Variants in CYP4F11 observed in about 807,000 individuals in gnomAD.
CYP4F11 encodes cytochrome P450 4F11.
In CYP4F11, 79 loss-of-function variants were observed where a neutral mutation model predicts 62.2. The ratio of observed to expected loss-of-function variants is 1.27; its 90% CI spans 1.06 to 1.53. The LOEUF is 1.53. Ranked by LOEUF, CYP4F11 falls within the 40% of genes most tolerant of loss-of-function variation. The pLI is 0.00. For missense variants in CYP4F11, 777 were observed against 680.5 expected, an observed-to-expected ratio of 1.14 and a Z score of -1.58; for synonymous variants, 290 against 263.7, an observed-to-expected ratio of 1.10 and a Z score of -0.97.
intron 2 of CYP4F11, among the ~76,000 whole-genome samples, 186 bp downstream of exon 2, chr19:15,929,271 A>T (rs1599380056): frequency 6.6e-6 from 1 of 152,300 alleles, no homozygotes; most frequent in South Asian, 2.1e-4. Flanking sequence ...GAGAGATGGC[A>T]GTGGAGGGAG....
intron 8 of CYP4F11, among the ~76,000 whole-genome samples, chr19:15,920,570 G>C (rs1568482467): frequency 6.6e-6 from 1 of 152,182 alleles, no homozygotes; most frequent in African/African-American, 2.4e-5. Context: ...GCTGAGCAAA[G>C]GCTTGGATGT....
At chr19:15,926,494 C>T (rs1440859213) in intron 4 of CYP4F11, among the ~76,000 whole-genome samples, 1 of 152,208 alleles carries the variant, frequency 6.6e-6, no homozygotes, top group African/African-American at 2.4e-5. Context: ...ACTGTGATTT[C>T]CAGCAACTTC....
rs546699196 is a variant in CYP4F11 at position 15,925,220 on chromosome 19, G to A, written c.526-338C>T. 1.2e-4 allele frequency among the ~76,000 whole-genome samples: 18 copies of A among 152,266 alleles called. No homozygotes were observed. The South Asian group carries it at 3.7e-3, about 32-fold the overall frequency. ...CTTTGGGGCCAGATAAACCAGGACA[G>A]AATCACTGCTCCACCACTCGTAGCT... On this transcript the variant is annotated intron_variant, in intron 4 of 11. Transcript: ENST00000402119.
Position 15,912,405 on chromosome 19 carries a change from G to A in CYP4F11, c.*1327C>T, listed in dbSNP as rs1249483273. 6.6e-6 allele frequency: 1 copy of A among 151,956 alleles called. No individual in the cohort carries two copies. The highest frequency in any genetic ancestry group is 1.5e-5 in the Non-Finnish European group (1 of 67,994). 9.4% of individuals were successfully genotyped at this position (151,956 alleles called of 1,614,324 possible). Reference sequence around the variant, plus strand: ...ATATAGGCAACTTATATTTGATAAAGGTGCAAAGGCAATACGATGGTCCCA... The same window carrying A: ...ATATAGGCAACTTATATTTGATAAAAGTGCAAAGGCAATACGATGGTCCCA... On this transcript the variant is annotated 3_prime_UTR_variant, in exon 12 of 12. Coordinates refer to ENST00000402119, the MANE Select transcript of CYP4F11 (RefSeq NM_021187.4).
intron 1 of CYP4F11, among the ~76,000 whole-genome samples, chr19:15,931,049 C>T (rs1193197335): frequency 1.3e-5 from 2 of 152,162 alleles, no homozygotes; most frequent in African/African-American, 2.4e-5. Context: ...AAGTCGGAGG[C>T]CAAGGTCTGC....
chr19:15,931,625 G>GC (rs1568257545), intron 1 of CYP4F11, among the ~76,000 whole-genome samples: 8 of 56,380 alleles, frequency 1.4e-4, no homozygotes, highest in South Asian at 5.8e-4. Context: ...AGTGAGCGAG[G>GC]AGAGGAATGA....
chr19:15,912,754 TGTGTGTGTG>T lies in CYP4F11; in HGVS notation c.*969_*977del. 6.2e-5 allele frequency: 1 copy of T among 16,230 alleles called. No homozygotes were observed. Among genetic ancestry groups the T allele is most frequent in the Non-Finnish European group, 1.4e-4 (1 of 7,208 alleles). 1.0% of individuals were successfully genotyped at this position (16,230 alleles called of 1,614,324 possible). ...GTGTGTATATGTATATATGTGTGTG[TGTGTGTGTG>T]TGTGTGTGTATATATATATATATAT... On this transcript the variant is annotated 3_prime_UTR_variant, in exon 12 of 12. Transcript: ENST00000402119.
At chr19:15,915,081 A>G (rs2089573441) in intron 8 of CYP4F11, among the ~76,000 whole-genome samples, 186 bp from the exon 9 acceptor site, 1 of 152,248 alleles carries the variant, frequency 6.6e-6, no homozygotes, top group Admixed American at 6.5e-5. Flanking sequence ...CCAGAAAAAA[A>G]TGGTGCCGAT....
Position 15,913,551 on chromosome 19 carries a change from C to T in CYP4F11, c.*181G>A. ...AGGGCCTAGATGCCCTGTGCTCAGC[C>T]AGAGAGGCCGTCAGGGTTTTGGGTT... On this transcript the variant is annotated 3_prime_UTR_variant, in exon 12 of 12. Coordinates refer to ENST00000402119, the MANE Select transcript of CYP4F11 (RefSeq NM_021187.4). The T allele has an allele frequency of 1.4e-6, 1 of 731,322 alleles. No homozygotes were observed. Among genetic ancestry groups the T allele is most frequent in the South Asian group, 1.8e-5 (1 of 55,394 alleles). The allele number at this position is 731,322 out of a possible 1,614,324, so 45.3% of individuals were successfully genotyped here.
chr19:15,929,723 A>T (rs2089697030), intron 1 of CYP4F11, 122 bp from the exon 2 acceptor site: 5 of 1,122,564 alleles, frequency 4.5e-6, no homozygotes, highest in Admixed American at 2.6e-5. Flanking sequence ...GTAAAACATT[A>T]TTTCTGGATG....
At chr19:15,920,452 C>T (rs1042387479) in intron 8 of CYP4F11, among the ~76,000 whole-genome samples, 1 of 152,150 alleles carries the variant, frequency 6.6e-6, no homozygotes, top group African/African-American at 2.4e-5. Flanking sequence ...AAGAAGGAAG[C>T]TCATTTTTTA....
At chr19:15,925,628 C>A (rs1353831927) in intron 4 of CYP4F11, among the ~76,000 whole-genome samples, 2 of 151,484 alleles carry the variant, frequency 1.3e-5, no homozygotes, top group East Asian at 3.9e-4. Flanking sequence ...CACATTTATA[C>A]CTACGTAACA....
intron 8 of CYP4F11, 84 bp downstream of exon 8, chr19:15,921,953 G>A: frequency 6.9e-7 from 1 of 1,453,440 alleles, no homozygotes; most frequent in Non-Finnish European, 9.1e-7. Context: ...TGGAAGAATT[G>A]ACCAAAAAAA....
chr19:15,926,067 T>A (rs971812468), intron 4 of CYP4F11, among the ~76,000 whole-genome samples: 1 of 151,088 alleles, frequency 6.6e-6, no homozygotes, highest in Non-Finnish European at 1.5e-5. Flanking sequence ...AGGAGGCTGA[T>A]GCAGGACAAT....
intron 8 of CYP4F11, among the ~76,000 whole-genome samples, chr19:15,918,527 T>A (rs2089599212): frequency 6.6e-6 from 1 of 152,206 alleles, no homozygotes; most frequent in African/African-American, 2.4e-5. Flanking sequence ...GAATAGATTT[T>A]TTATTATTAT....
intron 1 of CYP4F11, among the ~76,000 whole-genome samples, chr19:15,931,332 C>G (rs1239756374): frequency 5.9e-5 from 9 of 151,908 alleles, no homozygotes; most frequent in African/African-American, 2.2e-4. Context: ...AGTCCCTGGA[C>G]AGTAGACTCA....
At chr19:15,931,532 ATGAGTGAG>A (rs1568257214) in intron 1 of CYP4F11, among the ~76,000 whole-genome samples, 3 of 103,986 alleles carry the variant, frequency 2.9e-5, no homozygotes, top group South Asian at 2.9e-4. Context: ...CATCAGAGGA[ATGAGTGAG>A]CGGGGAGAGG....
intron 2 of CYP4F11, among the ~76,000 whole-genome samples, chr19:15,929,223 T>TC (rs2089692044): frequency 6.6e-6 from 1 of 152,156 alleles, no homozygotes; most frequent in South Asian, 2.1e-4. Flanking sequence ...AATTGAGGCT[T>TC]TTTGGAGCCC....
intron 4 of CYP4F11, 44 bp downstream of exon 4, chr19:15,927,168 C>G (rs771366693): frequency 6.2e-7 from 1 of 1,601,526 alleles, no homozygotes; most frequent in South Asian, 1.1e-5. Context: ...TGTGGTCCCT[C>G]TACCCCAAGG....
Sources: allele counts gnomAD v4.1 joint callset (sites outside exome capture counted in the v4.1 genomes callset), GRCh38; gene constraint gnomAD v4.1.1; transcripts MANE v1.5; gene names NCBI Gene and HGNC (gene_info 2026-07-23, HGNC 2026-07-21).